C1QTNF7: variants seen among roughly 807,000 people sequenced by gnomAD.
C1QTNF7 encodes C1q and TNF related 7.
Under a neutral mutation model 19.6 loss-of-function variants are expected in C1QTNF7, and 15 were observed. The observed-to-expected ratio is 0.76, with a 90% CI of 0.51 to 1.18. The LOEUF (loss-of-function observed/expected upper bound fraction) is 1.18. Ranked by LOEUF, C1QTNF7 falls within the 50% of genes most tolerant of loss-of-function variation. The pLI, the probability that C1QTNF7 is intolerant of heterozygous loss-of-function variation, is 0.00. For synonymous variants in C1QTNF7, 142 were observed against 137.5 expected (o/e 1.03, Z -0.23); for missense variants, 324 against 359.7 (o/e 0.90, Z 0.80).
chr4:15,368,603 C>A (rs909939614), intron 1 of C1QTNF7, among the ~76,000 whole-genome samples: 2 of 152,198 alleles, frequency 1.3e-5, no homozygotes, highest in Non-Finnish European at 2.9e-5. Flanking sequence ...ATCCATGTCC[C>A]TACAAAGGAC....
At chr4:15,427,213 AT>A (rs1406206630), upstream of C1QTNF7, among the ~76,000 whole-genome samples, 2 of 152,216 alleles carry the variant, frequency 1.3e-5, no homozygotes, top group African/African-American at 4.8e-5. Flanking sequence ...TAGAGTTCTC[AT>A]TGCTTGAGAA....
Position 15,374,489 on chromosome 4 carries a change from T to A in C1QTNF7, c.13+34282T>A, listed in dbSNP as rs149046927. The A allele has an allele frequency of 7.1e-3, 6,055 of 849,004 alleles. 29 individuals are homozygous for A. Among genetic ancestry groups the A allele is most frequent in the Middle Eastern group, 0.024 (40 of 1,656 alleles). 52.6% of individuals were successfully genotyped at this position (849,004 alleles called of 1,614,324 possible). A position where few individuals can be genotyped will look rare whatever the true frequency, so the allele number is the denominator to read the frequency against. On this transcript the variant is annotated intron_variant, in intron 1 of 2. Transcript: ENST00000295297. ...GAAGGATATTTATTTTTGTTTGTAA[T>A]GTCGACGTCTTCTTTCGGGCTCGAT...
At chr4:15,370,545 G>A (rs1475005605) in intron 1 of C1QTNF7, among the ~76,000 whole-genome samples, 2 of 152,126 alleles carry the variant, frequency 1.3e-5, no homozygotes, top group Non-Finnish European at 2.9e-5. Context: ...GAGAGAGAGT[G>A]GAAAGGGCCA....
At position 15,428,111 on chromosome 4, in the gene C1QTNF7, G is replaced by T. The variant is rs1712136395; in HGVS notation, c.-9+5G>T. 2.0e-6 allele frequency: 2 copies of T among 984,258 alleles called. No homozygotes were observed. The highest frequency in any genetic ancestry group is 2.4e-6 in the Non-Finnish European group (2 of 828,926). 61.0% of individuals were successfully genotyped at this position (984,258 alleles called of 1,614,324 possible). A position where few individuals can be genotyped will look rare whatever the true frequency, so the allele number is the denominator to read the frequency against. On this transcript the variant is annotated splice_donor_5th_base_variant and intron_variant, in intron 1 of 2. Transcript: ENST00000444304. ...AGCCCACCATCTAAGAGCAAGGTAT[G>T]GTGTTTACTCTTTTTTTTAGAATTT...
upstream of C1QTNF7, chr4:15,339,868 C>A: frequency 2.2e-6 from 1 of 448,944 alleles, no homozygotes; most frequent in Non-Finnish European, 4.0e-6. Context: ...ATATATTAAG[C>A]TCTTTGAAAT....
chr4:15,436,589 G>A (rs888598707), intron 2 of C1QTNF7, among the ~76,000 whole-genome samples: 1 of 152,168 alleles, frequency 6.6e-6, no homozygotes, highest in African/African-American at 2.4e-5. Flanking sequence ...CTGACACATA[G>A]CAGCTAAAAA....
At chr4:15,340,018 G>A (rs1403971773) in exon 1 of C1QTNF7, 14 of 768,690 alleles carry the variant, frequency 1.8e-5, no homozygotes, top group African/African-American at 1.1e-4. Context: ...AGCTTCAAAC[G>A]CATTCTCATG....
At chr4:15,372,456 G>A (rs1348544367) in intron 1 of C1QTNF7, among the ~76,000 whole-genome samples, 1 of 152,182 alleles carries the variant, frequency 6.6e-6, no homozygotes, top group Non-Finnish European at 1.5e-5. Context: ...CCAGACTCCA[G>A]AACTGTGAGA....
intron 1 of C1QTNF7, among the ~76,000 whole-genome samples, chr4:15,372,838 T>C (rs908544764): frequency 2.0e-5 from 3 of 152,172 alleles, no homozygotes; most frequent in Non-Finnish European, 4.4e-5. Flanking sequence ...ATTTGAGTCC[T>C]AAGAAAGAAA....
chr4:15,371,860 C>T (rs1717742473), intron 1 of C1QTNF7, among the ~76,000 whole-genome samples: 1 of 152,120 alleles, frequency 6.6e-6, no homozygotes, highest in South Asian at 2.1e-4. Flanking sequence ...AGGGAATCCC[C>T]ATGGCTTCCT....
rs764332896 is a variant in C1QTNF7, at chr4:15,446,020, C to G, written c.*3221C>G. On this transcript the variant is annotated 3_prime_UTR_variant, in exon 3 of 3. Transcript: ENST00000444304. ...TTCAGGCCACAAATGTTTCTTTGTG[C>G]CCCTGCATGCACAAGGGTATTTCCA... 1.3e-5 allele frequency: 2 copies of G among 152,126 alleles called. No homozygotes were observed. The highest frequency in any genetic ancestry group is 2.9e-5 in the Non-Finnish European group (2 of 68,030). 9.4% of individuals were successfully genotyped at this position (152,126 alleles called of 1,614,324 possible). A position where few individuals can be genotyped will look rare whatever the true frequency, so the allele number is the denominator to read the frequency against.
intron 1 of C1QTNF7, chr4:15,374,180 C>G (rs530387078): frequency 6.6e-6 from 1 of 152,268 alleles, no homozygotes; most frequent in Non-Finnish European, 1.5e-5. Context: ...CTTCCACTAA[C>G]TAGCTGTGTG....
At position 15,444,139 on chromosome 4, in the gene C1QTNF7, T is replaced by A. The variant is rs1712900471; in HGVS notation, c.*1340T>A. The A allele has an allele frequency of 6.6e-6, 1 of 152,218 alleles. No homozygotes were observed. The highest frequency in any genetic ancestry group is 2.1e-4 in the South Asian group (1 of 4,834). The allele number at this position is 152,218 out of a possible 1,614,324, so 9.4% of individuals were successfully genotyped here. A position where few individuals can be genotyped will look rare whatever the true frequency, so the allele number is the denominator to read the frequency against. On this transcript the variant is annotated 3_prime_UTR_variant, in exon 3 of 3. Coordinates refer to ENST00000444304, the MANE Select transcript of C1QTNF7 (RefSeq NM_031911.5). ...TATTCCCTTTATCCCTCCCTTTTGGTAACTTCCAATCCTCCTTCTATGTAT... is the reference window on the plus strand; with the variant it reads ...TATTCCCTTTATCCCTCCCTTTTGGAAACTTCCAATCCTCCTTCTATGTAT...
intron 1 of C1QTNF7, among the ~76,000 whole-genome samples, chr4:15,365,692 TTCTC>T (rs956568509): frequency 7.2e-5 from 11 of 152,166 alleles, no homozygotes; most frequent in African/African-American, 2.7e-4. Context: ...AAGTATTTTT[TTCTC>T]TCTCTCTTTC....
At chr4:15,359,646 T>C (rs552872758) in intron 1 of C1QTNF7, among the ~76,000 whole-genome samples, 6 of 152,080 alleles carry the variant, frequency 3.9e-5, no homozygotes, top group South Asian at 4.2e-4. Context: ...TCAAAGGAAA[T>C]GATAATATAA....
At chr4:15,428,997 CAAAA>C (rs921393149) in intron 1 of C1QTNF7, among the ~76,000 whole-genome samples, 10 of 152,172 alleles carry the variant, frequency 6.6e-5, no homozygotes, top group African/African-American at 2.2e-4. Flanking sequence ...TGTTTGAAGA[CAAAA>C]GAACTCAGTA....
chr4:15,421,620 C>G (rs1210906567), intron 1 of C1QTNF7, among the ~76,000 whole-genome samples: 3 of 152,134 alleles, frequency 2.0e-5, no homozygotes, highest in Non-Finnish European at 4.4e-5. Context: ...AAACCGAGAG[C>G]TTGGTTTGAA....
At chr4:15,340,645 T>A (rs1716506690) in intron 1 of C1QTNF7, among the ~76,000 whole-genome samples, 1 of 152,220 alleles carries the variant, frequency 6.6e-6, no homozygotes, top group Non-Finnish European at 1.5e-5. Context: ...TTAATATCTT[T>A]CCAAAAATCC....
At position 15,366,442 on chromosome 4, in the gene C1QTNF7, C is replaced by T. The variant is rs530073562; in HGVS notation, c.13+26235C>T. 1.4e-4 allele frequency among the ~76,000 whole-genome samples: 21 copies of T among 152,238 alleles called. No individual in the cohort carries two copies. The South Asian group carries it at 3.3e-3, about 24-fold the overall frequency. ...GAATGGTATGGCACATGAAAAACTG[C>T]GGATAGTCCCCTGGAAAAAAATGCA... On this transcript the variant is annotated intron_variant, in intron 1 of 2. Transcript: ENST00000295297.
Sources: gnomAD v4.1 joint callset for allele counts (sites outside exome capture counted in the v4.1 genomes callset) on GRCh38, gnomAD v4.1.1 for gene constraint, MANE v1.5 for transcripts, NCBI Gene and HGNC (gene_info 2026-07-23, HGNC 2026-07-21) for gene names.